DCDC1: variants seen among roughly 807,000 people sequenced by gnomAD.
DCDC1 encodes doublecortin domain containing 1.
DCDC1 carries 200 observed loss-of-function variants against 178.3 expected under a neutral mutation model. That is an observed-to-expected ratio of 1.12 (90% CI 1.00 to 1.26). The LOEUF is 1.26. DCDC1 is among the 50% of genes most tolerant of loss of function. The pLI is 0.00. For synonymous variants in DCDC1, 690 were observed against 604.8 expected, an observed-to-expected ratio of 1.14 and a Z score of -2.07; for missense variants, 1,983 against 1,749.2, an observed-to-expected ratio of 1.13 and a Z score of -2.38.
At chr11:31,137,660 T>A in intron 10 of DCDC1, 32 bp downstream of exon 10, 1 of 700,708 alleles carries the variant, frequency 1.4e-6, no homozygotes, top group Non-Finnish European at 2.6e-6. Flanking sequence ...CATTGCAGTT[T>A]TAAAATACAG....
intron 21 of DCDC1, among the ~76,000 whole-genome samples, chr11:30,949,316 C>T (rs528686741): frequency 5.3e-5 from 8 of 152,270 alleles, no homozygotes; most frequent in South Asian, 4.1e-4. Context: ...TACCATCTCA[C>T]GCCAGTTAGA....
intron 18 of DCDC1, among the ~76,000 whole-genome samples, chr11:31,074,080 A>G (rs968136740): frequency 2.6e-5 from 4 of 152,184 alleles, no homozygotes; most frequent in Non-Finnish European, 5.9e-5. Flanking sequence ...AGTGGCTAGT[A>G]ACAGTTAAAG....
chr11:31,306,515 C>T, intron 4 of DCDC1, 127 bp from the exon 5 acceptor site: 10 of 922,340 alleles, frequency 1.1e-5, no homozygotes, highest in Non-Finnish European at 1.4e-5. Flanking sequence ...ATAAGTATAC[C>T]TAACAAAACT....
At chr11:31,128,915 A>G (rs1323355312) in intron 10 of DCDC1, among the ~76,000 whole-genome samples, 2 of 152,136 alleles carry the variant, frequency 1.3e-5, no homozygotes, top group African/African-American at 4.8e-5. Context: ...TCACTATTTC[A>G]CATGAGGAAG....
At chr11:30,973,974 G>A (rs1007410775) in intron 20 of DCDC1, among the ~76,000 whole-genome samples, 1 of 152,072 alleles carries the variant, frequency 6.6e-6, no homozygotes, top group African/African-American at 2.4e-5. Context: ...CTCCAGGATA[G>A]ACCATTTGTT....
chr11:31,139,287 T>C (rs1963537625), intron 9 of DCDC1, among the ~76,000 whole-genome samples: 1 of 152,192 alleles, frequency 6.6e-6, no homozygotes, highest in Non-Finnish European at 1.5e-5. Flanking sequence ...ATCCCTGCCC[T>C]AGACTGAGAA....
chr11:31,139,082 G>C (rs943052891), intron 9 of DCDC1, among the ~76,000 whole-genome samples: 61 of 152,068 alleles, frequency 4.0e-4, no homozygotes, highest in African/African-American at 1.4e-3. Context: ...TGCCATTGTA[G>C]CATGAAATAG....
At chr11:31,007,826 C>T (rs1383908444) in intron 20 of DCDC1, among the ~76,000 whole-genome samples, 1 of 152,028 alleles carries the variant, frequency 6.6e-6, no homozygotes, top group Admixed American at 6.6e-5. Context: ...CCACACCCAG[C>T]TAATTTTTGT....
chr11:31,287,166 C>T (rs1011798829), intron 7 of DCDC1, among the ~76,000 whole-genome samples: 1 of 151,620 alleles, frequency 6.6e-6, no homozygotes, highest in Admixed American at 6.6e-5. Context: ...AAGTCTGTAA[C>T]ATTAAAGATC....
chr11:31,189,254 C>T (rs1376965796), intron 9 of DCDC1, among the ~76,000 whole-genome samples: 2 of 152,144 alleles, frequency 1.3e-5, no homozygotes, highest in Admixed American at 6.5e-5. Context: ...AATGCTATTA[C>T]ATCACTCCAA....
intron 20 of DCDC1, among the ~76,000 whole-genome samples, chr11:31,018,368 AAGG>A (rs1952631422): frequency 6.6e-6 from 1 of 152,174 alleles, no homozygotes; most frequent in South Asian, 2.1e-4. Flanking sequence ...CATCGAGAGG[AAGG>A]TGTCAGTTTC....
chr11:31,147,488 T>G (rs545307711), intron 9 of DCDC1, among the ~76,000 whole-genome samples: 5 of 152,332 alleles, frequency 3.3e-5, no homozygotes, highest in African/African-American at 1.2e-4. Flanking sequence ...TTTGGCAGCT[T>G]TGTACTTGCA....
At chr11:31,201,677 A>T (rs936951364) in intron 9 of DCDC1, among the ~76,000 whole-genome samples, 1 of 151,960 alleles carries the variant, frequency 6.6e-6, no homozygotes, top group African/African-American at 2.4e-5. Flanking sequence ...AAAAAAAAAG[A>T]CAATGAAATG....
chr11:30,909,098 T>A lies in DCDC1; in HGVS notation c.3766A>T (p.Asn1256Tyr). 1 of 1,610,576 alleles carries A rather than the reference T, an allele frequency of 6.2e-7. No individual in the cohort carries two copies. The highest frequency in any genetic ancestry group is 2.2e-5 in the East Asian group (1 of 44,738). The stretch of plus-strand genomic sequence containing the variant: ...TGCCACTTTTGATTGGCAGCTCCAT[T>A]GTTGTACGGCTTATATTTCTGAAAA... ...VIVQKYKPYN[N>Y]GAANQKWHYM... The change falls in exon 29 of 39, where the codon AAT becomes TAT. Residue 1256 changes from asparagine (N) to tyrosine (Y), a missense_variant. Physicochemically the swap from Asn to Tyr is moderately radical, Grantham distance 143. Coordinates refer to ENST00000684477, the MANE Select transcript of DCDC1 (RefSeq NM_001387274.1).
intron 27 of DCDC1, among the ~76,000 whole-genome samples, chr11:30,915,216 A>C (rs1945748320): frequency 6.6e-6 from 1 of 152,200 alleles, no homozygotes; most frequent in Non-Finnish European, 1.5e-5. Flanking sequence ...TAAAAATGAC[A>C]TTGATGCAAG....
chr11:31,150,214 A>G (rs1016915082), intron 9 of DCDC1, among the ~76,000 whole-genome samples: 2 of 152,236 alleles, frequency 1.3e-5, no homozygotes, highest in African/African-American at 4.8e-5. Flanking sequence ...AACTATGGAT[A>G]TGCACCCAAA....
chr11:31,148,797 T>C (rs1964786076), intron 9 of DCDC1, among the ~76,000 whole-genome samples: 1 of 152,138 alleles, frequency 6.6e-6, no homozygotes, highest in Non-Finnish European at 1.5e-5. Context: ...TTCGGTTACA[T>C]GGATAAGTTC....
intron 2 of DCDC1, among the ~76,000 whole-genome samples, chr11:31,332,574 T>C (rs1247006163): frequency 6.6e-6 from 1 of 152,226 alleles, no homozygotes; most frequent in African/African-American, 2.4e-5. Flanking sequence ...TTTTGGTACA[T>C]TGTGTCTTTG....
intron 11 of DCDC1, among the ~76,000 whole-genome samples, chr11:31,116,510 CT>C (rs1380169649): frequency 6.6e-6 from 1 of 151,648 alleles, no homozygotes; most frequent in Non-Finnish European, 1.5e-5. Flanking sequence ...CTACTTTTTC[CT>C]TTTTTATAGA....
Sources: gnomAD v4.1 joint callset for allele counts (sites outside exome capture counted in the v4.1 genomes callset) on GRCh38, gnomAD v4.1.1 for gene constraint, MANE v1.5 for transcripts, NCBI Gene and HGNC (gene_info 2026-07-23, HGNC 2026-07-21) for gene names.